Variants in NCOR1 observed in about 807,000 individuals in gnomAD.
The protein encoded by NCOR1 is protein phosphatase 1, regulatory subunit 109.
Under a neutral mutation model 288.1 loss-of-function variants are expected in NCOR1, and 63 were observed. The observed-to-expected ratio is 0.22, with a 90% CI of 0.18 to 0.27. The LOEUF (loss-of-function observed/expected upper bound fraction) is 0.27. NCOR1 is among the 10% of genes least tolerant of loss of function. The pLI is 1.00. For missense variants in NCOR1, 2,397 were observed against 3,019.2 expected, an observed-to-expected ratio of 0.79 and a Z score of 4.83; for synonymous variants, 1,007 against 1,065.9, an observed-to-expected ratio of 0.94 and a Z score of 1.08.
In NCOR1 at chr17:16,080,471, G is replaced by T. The variant is rs772070121; in HGVS notation, c.3337C>A (p.Arg1113=). ...PYIKQEEFSP[R]SQNSQPEGLL... ...CCCTCAGGTTGTGAGTTTTGGCTTC[G>T]GGGAGAAAATTCTTCCTGCTTGATG... The change falls in exon 25 of 46, where the codon CGA becomes AGA. Residue 1113 remains arginine, a synonymous_variant. Coordinates refer to ENST00000268712, the MANE Select transcript of NCOR1 (RefSeq NM_006311.4). 1 of 1,614,080 alleles carries T rather than the reference G, an allele frequency of 6.2e-7. No individual in the cohort carries two copies. The highest frequency in any genetic ancestry group is 1.7e-5 in the Admixed American group (1 of 60,020).
At position 16,097,228 on chromosome 17, in the gene NCOR1, C is replaced by G. The variant is rs146694616; in HGVS notation, c.2820+1139G>C. 2.4e-3 allele frequency among the ~76,000 whole-genome samples: 362 copies of G among 152,322 alleles called. 2 individuals are homozygous for G. Among genetic ancestry groups the G allele is most frequent in the African/African-American group, 8.2e-3 (343 of 41,578 alleles). ...GATAAGGGCTGACAGCCCAAAAAACCACAAGGCAGGAGGCTAGAACTTCTT... is the reference window on the plus strand; with the variant it reads ...GATAAGGGCTGACAGCCCAAAAAACGACAAGGCAGGAGGCTAGAACTTCTT... On this transcript the variant is annotated intron_variant, in intron 21 of 45. Transcript: ENST00000268712.
At chr17:16,093,410 G>T (rs1396852516) in intron 21 of NCOR1, among the ~76,000 whole-genome samples, 1 of 152,130 alleles carries the variant, frequency 6.6e-6, no homozygotes, top group East Asian at 1.9e-4. Context: ...TCTCATTGAG[G>T]CCTGTTCACT....
chr17:16,126,284 T>C (rs2074026971), intron 14 of NCOR1, 78 bp from the exon 15 acceptor site: 6 of 1,376,260 alleles, frequency 4.4e-6, no homozygotes, highest in Non-Finnish European at 5.8e-6. Context: ...ATTATGTCTA[T>C]CTAAAAAAAT....
chr17:16,139,494 T>C (rs1434010701), intron 11 of NCOR1, among the ~76,000 whole-genome samples: 3 of 152,206 alleles, frequency 2.0e-5, no homozygotes, highest in Non-Finnish European at 4.4e-5. Context: ...TAAAAAGTAA[T>C]GTCAAGTTCA....
intron 8 of NCOR1, among the ~76,000 whole-genome samples, chr17:16,150,036 C>T (rs2078612344): frequency 6.6e-6 from 1 of 152,068 alleles, no homozygotes; most frequent in South Asian, 2.1e-4. Context: ...TAATGGAGGG[C>T]AATGTGTCAA....
chr17:16,098,141 C>T (rs899376687), intron 21 of NCOR1, among the ~76,000 whole-genome samples: 3 of 152,072 alleles, frequency 2.0e-5, no homozygotes, highest in Admixed American at 6.5e-5. Context: ...ATTTCGCATT[C>T]GAAAGATGAA....
At chr17:16,098,218 ATACT>A in intron 21 of NCOR1, 145 bp downstream of exon 21, 1 of 746,548 alleles carries the variant, frequency 1.3e-6, no homozygotes, top group Non-Finnish European at 2.2e-6. Context: ...AGTGAACTGT[ATACT>A]TAGAATTGGT....
At chr17:16,101,919 A>C in intron 19 of NCOR1, 162 bp from the exon 20 acceptor site, 4 of 877,878 alleles carry the variant, frequency 4.6e-6, no homozygotes, top group Non-Finnish European at 6.8e-6. Flanking sequence ...TGATGACCTC[A>C]TTGAAGTATT....
intron 8 of NCOR1, among the ~76,000 whole-genome samples, chr17:16,150,914 A>G (rs559182162): frequency 6.6e-6 from 1 of 152,314 alleles, no homozygotes; most frequent in South Asian, 2.1e-4. Flanking sequence ...TTACTTAACA[A>G]AAGTTAAAAT....
Position 16,087,032 on chromosome 17 carries a change from T to A in NCOR1, c.3017-590A>T, listed in dbSNP as rs766033265. On this transcript the variant is annotated intron_variant, in intron 22 of 45. Coordinates refer to ENST00000268712, the MANE Select transcript of NCOR1 (RefSeq NM_006311.4). ...GAACTCAACTAAATACAACTGATGA[T>A]GGAACGCAGAGAAACAAAGTCATTC... 2.4e-5 allele frequency: 13 copies of A among 544,554 alleles called. No homozygotes were observed. In the South Asian group the frequency reaches 2.4e-4, roughly 10 times the overall value. The allele number at this position is 544,554 out of a possible 1,614,324, so 33.7% of individuals were successfully genotyped here.
chr17:16,089,748 T>G (rs1032153328), intron 22 of NCOR1, among the ~76,000 whole-genome samples: 1 of 152,104 alleles, frequency 6.6e-6, no homozygotes. Context: ...TGTCAAACAT[T>G]CTAGACACAA....
chr17:16,038,435 C>CTT (rs34997322), intron 44 of NCOR1, among the ~76,000 whole-genome samples: 3 of 149,334 alleles, frequency 2.0e-5, no homozygotes, highest in South Asian at 2.1e-4. Context: ...TTTTCCTACT[C>CTT]TTTTTTTTTT....
At chr17:16,099,469 T>G (rs1300918960) in intron 20 of NCOR1, among the ~76,000 whole-genome samples, 1 of 152,236 alleles carries the variant, frequency 6.6e-6, no homozygotes, top group Non-Finnish European at 1.5e-5. Context: ...ATTTCGGTCA[T>G]TTGGGAGCAG....
intron 14 of NCOR1, among the ~76,000 whole-genome samples, chr17:16,132,143 T>G (rs922345294): frequency 6.6e-6 from 1 of 152,212 alleles, no homozygotes; most frequent in East Asian, 1.9e-4. Context: ...TCTGAATACC[T>G]TTAGGGAATA....
chr17:16,081,443 A>AT (rs2063403732), intron 23 of NCOR1, among the ~76,000 whole-genome samples: 1 of 151,046 alleles, frequency 6.6e-6, no homozygotes, highest in Non-Finnish European at 1.5e-5. Flanking sequence ...GCTTTGTGGC[A>AT]TTTTAACTTG....
chr17:16,136,248 C>T (rs548522030), intron 14 of NCOR1, among the ~76,000 whole-genome samples: 1 of 152,310 alleles, frequency 6.6e-6, no homozygotes, highest in South Asian at 2.1e-4. Flanking sequence ...TGCAATGGCA[C>T]AATCATGGCT....
chr17:16,084,648 G>A (rs918539830), intron 23 of NCOR1, among the ~76,000 whole-genome samples: 1 of 152,140 alleles, frequency 6.6e-6, no homozygotes, highest in Non-Finnish European at 1.5e-5. Flanking sequence ...CATGGAGACA[G>A]TGCAGAAACA....
chr17:16,139,249 G>T, intron 11 of NCOR1, 63 bp from the exon 12 acceptor site: 1 of 1,398,916 alleles, frequency 7.1e-7, no homozygotes, highest in Non-Finnish European at 9.9e-7. Context: ...GAGGGCCATG[G>T]ACCAATGCTC....
rs1567605005 is a variant in NCOR1, at chr17:16,032,500, TAG to T, written c.7136-19_7136-18del. On this transcript the variant is annotated intron_variant, in intron 45 of 45. Coordinates refer to ENST00000268712, the MANE Select transcript of NCOR1 (RefSeq NM_006311.4). ...GAGTTGAGCCTGACAAAAGAAAAAT[TAG>T]GTTTTCATTGTCATGAACATAACTG... The T allele has an allele frequency of 6.4e-7, 1 of 1,561,452 alleles. No homozygotes were observed. Among genetic ancestry groups the T allele is most frequent in the Non-Finnish European group, 8.6e-7 (1 of 1,156,546 alleles).
Sources: gnomAD v4.1 joint callset for allele counts (sites outside exome capture counted in the v4.1 genomes callset) on GRCh38, gnomAD v4.1.1 for gene constraint, MANE v1.5 for transcripts, NCBI Gene and HGNC (gene_info 2026-07-23, HGNC 2026-07-21) for gene names.